TSGA10: variants seen among roughly 807,000 people sequenced by gnomAD.
TSGA10 encodes testis specific 10.
TSGA10 carries 43 observed loss-of-function variants against 96.6 expected under a neutral mutation model. The observed-to-expected ratio is 0.44, with a 90% CI of 0.35 to 0.57. The LOEUF (loss-of-function observed/expected upper bound fraction) is 0.57. Ranked by LOEUF, TSGA10 falls within the 20% of genes least tolerant of loss-of-function variation. The pLI, the probability that TSGA10 is intolerant of heterozygous loss-of-function variation, is 0.01. For missense variants in TSGA10, 703 were observed against 834.4 expected (o/e 0.84, Z 1.94); for synonymous variants, 229 against 269.9 (o/e 0.85, Z 1.48).
At chr2:99,072,372 T>TA (rs1202651608) in intron 13 of TSGA10, among the ~76,000 whole-genome samples, 1 of 152,214 alleles carries the variant, frequency 6.6e-6, no homozygotes, top group East Asian at 1.9e-4. Context: ...ACTCCAGACT[T>TA]ATATTTAACT....
chr2:99,090,792 C>G (rs1239811646), intron 10 of TSGA10, among the ~76,000 whole-genome samples: 1 of 152,058 alleles, frequency 6.6e-6, no homozygotes, highest in Non-Finnish European at 1.5e-5. Context: ...ACAACCAAAC[C>G]TAAAAATAAC....
rs895454820 is a variant in TSGA10 at position 99,154,919 on chromosome 2, T to C, written c.-847A>G. 2.5e-5 allele frequency: 11 copies of C among 440,808 alleles called. No homozygotes were observed. The highest frequency in any genetic ancestry group is 1.6e-4 in the African/African-American group (8 of 49,748). 27.3% of individuals were successfully genotyped at this position (440,808 alleles called of 1,614,324 possible). ...CGATCCCTGCGCGCCCCTCCTTCTC[T>C]TGCGCTTCAGGGGGCCGGCCCTCAG... On this transcript the variant is annotated 5_prime_UTR_variant, in exon 1 of 21. Transcript: ENST00000393483.
At chr2:99,067,529 T>A (rs2085401153) in intron 15 of TSGA10, among the ~76,000 whole-genome samples, 1 of 152,128 alleles carries the variant, frequency 6.6e-6, no homozygotes, top group South Asian at 2.1e-4. Flanking sequence ...AAGGGAAGTG[T>A]TTAACACTGG....
chr2:99,150,832 T>C (rs778151271), intron 1 of TSGA10: 1 of 1,576,336 alleles, frequency 6.3e-7, no homozygotes, highest in South Asian at 1.2e-5. Context: ...AGATGTGGAA[T>C]GAAGCAATTT....
At chr2:99,054,365 C>A (rs1258991056) in intron 16 of TSGA10, among the ~76,000 whole-genome samples, 1 of 152,104 alleles carries the variant, frequency 6.6e-6, no homozygotes, top group Non-Finnish European at 1.5e-5. Flanking sequence ...AAAATCAACT[C>A]TTAATGGATT....
At chr2:99,141,009 G>A in intron 1 of TSGA10, 2 of 1,127,482 alleles carry the variant, frequency 1.8e-6, no homozygotes, top group Non-Finnish European at 2.3e-6. Flanking sequence ...CTGCCCGCTT[G>A]CAGCCGCCTT....
chr2:99,132,751 A>G (rs946726651), intron 1 of TSGA10, among the ~76,000 whole-genome samples: 1 of 152,204 alleles, frequency 6.6e-6, no homozygotes, highest in Non-Finnish European at 1.5e-5. Flanking sequence ...ATTCAGTGCT[A>G]TAAATTTCCC....
intron 20 of TSGA10, among the ~76,000 whole-genome samples, chr2:99,007,156 G>T (rs961473622): frequency 2.6e-5 from 4 of 152,078 alleles, no homozygotes; most frequent in South Asian, 4.2e-4. Flanking sequence ...GTGGGAGGAG[G>T]GGGGAGGGAT....
At chr2:99,006,511 A>C (rs2078488048) in intron 20 of TSGA10, among the ~76,000 whole-genome samples, 1 of 152,256 alleles carries the variant, frequency 6.6e-6, no homozygotes. Context: ...TCTCAAAAGA[A>C]GACATTTATG....
rs575460388 is a variant in TSGA10, at chr2:99,144,984, A to G, written c.-621+9709T>C. Among the ~76,000 whole-genome samples the G allele has an allele frequency of 2.0e-5, 3 of 152,304 alleles. No homozygotes were observed. In the South Asian group the frequency reaches 6.2e-4, roughly 32 times the overall value. ...ACGGCTGTGCAACAATTTACCACAC[A>G]CTTGGTGTCTTTAAGCAACACAAAT... On this transcript the variant is annotated intron_variant, in intron 1 of 20. Coordinates refer to ENST00000393483, the MANE Select transcript of TSGA10 (RefSeq NM_025244.4).
chr2:99,129,222 TAGA>T (rs1393693622), intron 1 of TSGA10, among the ~76,000 whole-genome samples: 1 of 152,200 alleles, frequency 6.6e-6, no homozygotes. Flanking sequence ...TTTATATATA[TAGA>T]AGAATTTATG....
At chr2:99,142,058 T>C (rs1034465758) in intron 1 of TSGA10, 1 of 152,312 alleles carries the variant, frequency 6.6e-6, no homozygotes, top group Non-Finnish European at 1.5e-5. Context: ...TCCTGACCGA[T>C]ATTCCTTCTC....
intron 10 of TSGA10, among the ~76,000 whole-genome samples, chr2:99,084,006 T>C (rs542380696): frequency 2.0e-4 from 31 of 152,314 alleles, no homozygotes; most frequent in African/African-American, 6.5e-4. Context: ...AATGTAATCA[T>C]TGTGGGAAAG....
At chr2:99,085,392 GC>G (rs1221695887) in intron 10 of TSGA10, among the ~76,000 whole-genome samples, 2 of 151,840 alleles carry the variant, frequency 1.3e-5, no homozygotes, top group Non-Finnish European at 2.9e-5. Context: ...ATCACTTGAG[GC>G]TGGGAGATCA....
At chr2:99,090,161 A>G (rs570909763) in intron 10 of TSGA10, among the ~76,000 whole-genome samples, 8 of 152,318 alleles carry the variant, frequency 5.3e-5, no homozygotes, top group African/African-American at 1.9e-4. Context: ...CAGAAGAGAA[A>G]TAACAATCAC....
chr2:99,105,626 T>C lies in TSGA10; in HGVS notation c.282A>G (p.Ala94=), dbSNP rs2091265948. The change falls in exon 8 of 21, where the codon GCA becomes GCG. Residue 94 remains alanine, a synonymous_variant. Transcript: ENST00000393483. Reference sequence around the variant, plus strand: ...TCTCCACTCGCCGGAGAATAGCATGTGCCGTTGTTGATTTAGGACTCTTAC... The same window carrying C: ...TCTCCACTCGCCGGAGAATAGCATGCGCCGTTGTTGATTTAGGACTCTTAC... The part of the protein sequence containing the change: ...KSCKSPKSTT[A]HAILRRVETE... 1.9e-6 allele frequency: 3 copies of C among 1,609,050 alleles called. No homozygotes were observed. The highest frequency in any genetic ancestry group is 1.7e-6 in the Non-Finnish European group (2 of 1,175,642).
At chr2:99,027,234 A>C (rs1172494563) in intron 17 of TSGA10, among the ~76,000 whole-genome samples, 1 of 152,216 alleles carries the variant, frequency 6.6e-6, no homozygotes. Context: ...AAAGAAAAAA[A>C]TTCTGTCATT....
chr2:99,152,321 C>G (rs1242280238), intron 1 of TSGA10, among the ~76,000 whole-genome samples: 1 of 152,202 alleles, frequency 6.6e-6, no homozygotes, highest in Non-Finnish European at 1.5e-5. Flanking sequence ...TGGTCTCACT[C>G]TGTTGCCCAG....
At chr2:99,144,969 A>C (rs185157274) in intron 1 of TSGA10, among the ~76,000 whole-genome samples, 4 of 152,328 alleles carry the variant, frequency 2.6e-5, no homozygotes, top group Admixed American at 2.6e-4. Flanking sequence ...ACGGCTGTGC[A>C]ACAATTTACC....
Sources: allele counts gnomAD v4.1 joint callset (sites outside exome capture counted in the v4.1 genomes callset), GRCh38; gene constraint gnomAD v4.1.1; transcripts MANE v1.5; gene names NCBI Gene and HGNC (gene_info 2026-07-23, HGNC 2026-07-21).